EXT1: variants seen among roughly 807,000 people sequenced by gnomAD.
The protein encoded by EXT1 is exostosin glycosyltransferase 1, also known as exostosin-1.
A neutral mutation model predicts 82.5 loss-of-function variants in EXT1; 20 were observed. That is an observed-to-expected ratio of 0.24 (90% CI 0.17 to 0.35). The LOEUF is 0.35. Ranked by LOEUF, EXT1 falls within the 10% of genes least tolerant of loss-of-function variation. EXT1 has a pLI of 1.00. For missense variants in EXT1, 757 were observed against 936.5 expected (o/e 0.81, Z 2.50); for synonymous variants, 348 against 350.8 (o/e 0.99, Z 0.09).
At chr8:117,888,219 T>C (rs1586265539) in intron 1 of EXT1, among the ~76,000 whole-genome samples, 1 of 152,060 alleles carries the variant, frequency 6.6e-6, no homozygotes, top group Non-Finnish European at 1.5e-5. Flanking sequence ...ATGCAGTTCA[T>C]AGAAATACAC....
chr8:118,081,068 G>T lies in EXT1; in HGVS notation c.962+29017C>A, dbSNP rs562485410. Among the ~76,000 whole-genome samples the T allele has an allele frequency of 2.1e-3, 325 of 152,210 alleles. 7 individuals are homozygous for T. Among genetic ancestry groups the T allele is most frequent in the Non-Finnish European group, 1.0e-3 (69 of 68,024 alleles). On this transcript the variant is annotated intron_variant, in intron 1 of 10. Coordinates refer to ENST00000378204, the MANE Select transcript of EXT1 (RefSeq NM_000127.3). Reference sequence around the variant, plus strand: ...CACTGAGCAAAATGCTTTTCATTCAGTATCTCATTTAATTTTACAGAGCAG... The same window carrying T: ...CACTGAGCAAAATGCTTTTCATTCATTATCTCATTTAATTTTACAGAGCAG...
chr8:117,966,439 T>C (rs962745121), intron 1 of EXT1, among the ~76,000 whole-genome samples: 6 of 152,226 alleles, frequency 3.9e-5, no homozygotes, highest in Non-Finnish European at 8.8e-5. Context: ...ATATTAATAA[T>C]AACATCTCCA....
chr8:117,832,277 G>A (rs1812113749), intron 3 of EXT1, among the ~76,000 whole-genome samples: 1 of 152,148 alleles, frequency 6.6e-6, no homozygotes, highest in Non-Finnish European at 1.5e-5. Flanking sequence ...TGTAATCCCA[G>A]CACTTTGGGA....
At chr8:117,954,311 C>T (rs1814548172) in intron 1 of EXT1, among the ~76,000 whole-genome samples, 1 of 152,184 alleles carries the variant, frequency 6.6e-6, no homozygotes, top group Non-Finnish European at 1.5e-5. Context: ...CCAGGAAAGT[C>T]TCTTGCTCCT....
intron 7 of EXT1, among the ~76,000 whole-genome samples, chr8:117,813,493 G>A (rs1163075912): frequency 6.8e-6 from 1 of 146,860 alleles, no homozygotes; most frequent in Non-Finnish European, 1.5e-5. Context: ...CCGAAAGAGT[G>A]AATGGATGGA....
intron 1 of EXT1, among the ~76,000 whole-genome samples, chr8:118,104,330 G>A (rs1817772021): frequency 6.6e-6 from 1 of 152,230 alleles, no homozygotes; most frequent in African/African-American, 2.4e-5. Flanking sequence ...TATCTGAAAT[G>A]AATGCTAGTT....
chr8:117,809,242 T>TATATATATA (rs796605483), intron 8 of EXT1, among the ~76,000 whole-genome samples: 6,030 of 141,092 alleles, frequency 0.043, 254 homozygotes, highest in Non-Finnish European at 0.063. Context: ...TATATATATA[T>TATATATATA]ATTATGTTCT....
intron 1 of EXT1, among the ~76,000 whole-genome samples, chr8:118,020,358 C>A (rs1009861745): frequency 2.0e-5 from 3 of 152,170 alleles, no homozygotes; most frequent in South Asian, 2.1e-4. Flanking sequence ...AGACTCTGGT[C>A]TTTACATACC....
In EXT1 at chr8:118,007,766, A is replaced by G. The variant is rs572287510; in HGVS notation, c.962+102319T>C. ...AAGATAAGAAAGGAACAGGGAGATG[A>G]CACAGAGCTGGAAGAGAGAAAGAAA... On this transcript the variant is annotated intron_variant, in intron 1 of 10. Transcript: ENST00000378204. Among the ~76,000 whole-genome samples the G allele has an allele frequency of 7.2e-5, 11 of 152,356 alleles. 1 individual carries two copies. In the South Asian group the frequency reaches 2.3e-3, roughly 32 times the overall value.
At chr8:117,801,814 A>AT (rs1176486283) in intron 10 of EXT1, among the ~76,000 whole-genome samples, 1 of 152,212 alleles carries the variant, frequency 6.6e-6, no homozygotes, top group Non-Finnish European at 1.5e-5. Flanking sequence ...CCTGTGGGCC[A>AT]TTTTTGATTG....
intron 1 of EXT1, among the ~76,000 whole-genome samples, chr8:117,931,717 A>G (rs1814064919): frequency 1.3e-5 from 2 of 152,250 alleles, no homozygotes. Context: ...GAATAGCTGC[A>G]TGATGCAAAA....
intron 1 of EXT1, among the ~76,000 whole-genome samples, chr8:118,003,171 T>C (rs186922106): frequency 9.1e-4 from 139 of 152,276 alleles, no homozygotes; most frequent in African/African-American, 3.2e-3. Context: ...AAACATCATA[T>C]GTTCTCACTC....
At chr8:117,839,559 AC>A (rs1427552056) in intron 1 of EXT1, among the ~76,000 whole-genome samples, 1 of 152,188 alleles carries the variant, frequency 6.6e-6, no homozygotes, top group Admixed American at 6.5e-5. Context: ...ATACCTTAGA[AC>A]AATGATTTTC....
intron 1 of EXT1, among the ~76,000 whole-genome samples, chr8:118,071,268 C>T (rs1243925629): frequency 2.6e-5 from 4 of 152,068 alleles, no homozygotes; most frequent in Non-Finnish European, 5.9e-5. Flanking sequence ...TCTCAGGGGC[C>T]ATTTTTATAG....
rs574782528 is a variant in EXT1, at chr8:118,057,052, C to T, written c.962+53033G>A. On this transcript the variant is annotated intron_variant, in intron 1 of 10. Transcript: ENST00000378204. ...TCCTTATGATGATCATAGGTGAACA[C>T]AGACACGAAGGACAGGACTGCTCTC... Among the ~76,000 whole-genome samples the T allele has an allele frequency of 2.6e-5, 4 of 152,330 alleles. No homozygotes were observed. In the East Asian group the frequency reaches 7.7e-4, roughly 29 times the overall value.
At position 118,110,427 on chromosome 8, in the gene EXT1, A is replaced by C. The variant is rs757995060; in HGVS notation, c.620T>G (p.Val207Gly). 1.9e-6 allele frequency: 3 copies of C among 1,614,102 alleles called. No homozygotes were observed. Among genetic ancestry groups the C allele is most frequent in the East Asian group, 2.2e-5 (1 of 44,876 alleles). ...CATCGCCTGGCCGATGTCAAACCCCACGTCCTCGGTGTAGTCAGGCCAAGT... is the reference window on the plus strand; with the variant it reads ...CATCGCCTGGCCGATGTCAAACCCCCCGTCCTCGGTGTAGTCAGGCCAAGT... ...SGTWPDYTED[V>G]GFDIGQAMLA... Residue 207 changes from valine (V) to glycine (G), a missense_variant, in exon 1 of 11, where the codon GTG (valine) becomes GGG (glycine). By Grantham distance (109) the Val-to-Gly change is moderately radical. Coordinates refer to ENST00000378204, the MANE Select transcript of EXT1 (RefSeq NM_000127.3).
intron 1 of EXT1, among the ~76,000 whole-genome samples, chr8:118,040,126 T>C (rs1816502410): frequency 6.6e-6 from 1 of 152,086 alleles, no homozygotes; most frequent in Admixed American, 6.5e-5. Context: ...AAACCTGATT[T>C]TGGTGTATTT....
chr8:117,931,601 T>C (rs1586292479), intron 1 of EXT1, among the ~76,000 whole-genome samples: 1 of 152,094 alleles, frequency 6.6e-6, no homozygotes, highest in South Asian at 2.1e-4. Flanking sequence ...TTTACCAAGG[T>C]TATCAGTCTT....
At chr8:118,095,062 T>C (rs1817585960) in intron 1 of EXT1, among the ~76,000 whole-genome samples, 1 of 152,054 alleles carries the variant, frequency 6.6e-6, no homozygotes, top group Non-Finnish European at 1.5e-5. Context: ...CAATCAGAGG[T>C]CTCTGTGTAG....
Sources: gnomAD v4.1 joint callset for allele counts (sites outside exome capture counted in the v4.1 genomes callset) on GRCh38, gnomAD v4.1.1 for gene constraint, MANE v1.5 for transcripts, NCBI Gene and HGNC (gene_info 2026-07-23, HGNC 2026-07-21) for gene names.